Variants in SELENOI observed in about 807,000 individuals in gnomAD.
SELENOI encodes the protein ethanolaminephosphotransferase 1.
A neutral mutation model predicts 50.7 loss-of-function variants in SELENOI; 24 were observed. The observed-to-expected ratio is 0.47, with a 90% CI of 0.34 to 0.67. The LOEUF (loss-of-function observed/expected upper bound fraction) is 0.67, where lower values mean the gene tolerates loss of function less well. Ranked by LOEUF, SELENOI falls within the 30% of genes least tolerant of loss-of-function variation. The pLI is 0.01. For synonymous variants in SELENOI, 155 were observed against 170.2 expected, an observed-to-expected ratio of 0.91 and a Z score of 0.70; for missense variants, 352 against 461.4, an observed-to-expected ratio of 0.76 and a Z score of 2.17.
intron 6 of SELENOI, among the ~76,000 whole-genome samples, chr2:26,376,035 C>T (rs1677559887): frequency 6.7e-6 from 1 of 148,932 alleles, no homozygotes; most frequent in Non-Finnish European, 1.5e-5. Context: ...GCCCAGTGAG[C>T]TATGATCGCA....
rs993695630 is a variant in SELENOI at position 26,393,887 on chromosome 2, G to A, written c.*4784G>A. 1.3e-5 allele frequency: 2 copies of A among 152,206 alleles called. No homozygotes were observed. The highest frequency in any genetic ancestry group is 1.9e-4 in the East Asian group (1 of 5,202). The allele number at this position is 152,206 out of a possible 1,614,324, so 9.4% of individuals were successfully genotyped here. On this transcript the variant is annotated 3_prime_UTR_variant, in exon 10 of 10. Coordinates refer to ENST00000260585, the MANE Select transcript of SELENOI (RefSeq NM_033505.4). The stretch of plus-strand genomic sequence containing the variant: ...GTCTGTTTGGCTAATGTCTTCTCTT[G>A]AGGAGTTTCTATGGGTAGCAATTAA...
chr2:26,376,598 T>A (rs1677572630), intron 6 of SELENOI, among the ~76,000 whole-genome samples: 1 of 152,174 alleles, frequency 6.6e-6, no homozygotes, highest in Non-Finnish European at 1.5e-5. Flanking sequence ...TTGTTTGAAA[T>A]GCACCAGTAC....
intron 1 of SELENOI, 134 bp downstream of exon 1, chr2:26,346,423 C>T (rs1314764945): frequency 4.5e-6 from 5 of 1,113,352 alleles, no homozygotes. Context: ...CTCCGGAGGT[C>T]CTGCGGGTCC....
intron 1 of SELENOI, among the ~76,000 whole-genome samples, chr2:26,349,672 T>TG (rs1676911100): frequency 1.3e-5 from 2 of 148,586 alleles, no homozygotes; most frequent in South Asian, 4.3e-4. Flanking sequence ...GCAAGTTGGT[T>TG]TTTTTTTTTT....
Position 26,360,750 on chromosome 2 carries a change from A to G in SELENOI, c.58-3552A>G, listed in dbSNP as rs76056988. Among the ~76,000 whole-genome samples, 6 of 152,298 alleles carry G rather than the reference A, an allele frequency of 3.9e-5. No homozygotes were observed. The East Asian group carries it at 1.2e-3, about 29-fold the overall frequency. ...TTCTGGGTGCAGACTTTTGTGAAGTAAAGGAGTGTAGGGCCCTCCTATCTT... is the reference window on the plus strand; with the variant it reads ...TTCTGGGTGCAGACTTTTGTGAAGTGAAGGAGTGTAGGGCCCTCCTATCTT... On this transcript the variant is annotated intron_variant, in intron 1 of 9. Coordinates refer to ENST00000260585, the MANE Select transcript of SELENOI (RefSeq NM_033505.4).
At chr2:26,370,720 G>C (rs1677404864) in intron 4 of SELENOI, among the ~76,000 whole-genome samples, 1 of 142,146 alleles carries the variant, frequency 7.0e-6, no homozygotes, top group Non-Finnish European at 1.6e-5. Context: ...TCCCGGACGG[G>C]GCGGCTGGCC....
chr2:26,355,150 A>G (rs1677039400), intron 1 of SELENOI, among the ~76,000 whole-genome samples: 1 of 152,252 alleles, frequency 6.6e-6, no homozygotes, highest in Non-Finnish European at 1.5e-5. Flanking sequence ...GTAAATAAAT[A>G]AAACTTGACA....
At chr2:26,353,385 C>T (rs961288097) in intron 1 of SELENOI, among the ~76,000 whole-genome samples, 1 of 152,042 alleles carries the variant, frequency 6.6e-6, no homozygotes, top group South Asian at 2.1e-4. Context: ...TTCAAAGATA[C>T]GAACACTTTT....
chr2:26,375,619 T>G (rs1324371432), intron 6 of SELENOI, among the ~76,000 whole-genome samples: 1 of 152,208 alleles, frequency 6.6e-6, no homozygotes, highest in East Asian at 1.9e-4. Context: ...TTTATGGTGG[T>G]AATCTTTCTG....
chr2:26,367,761 C>T (rs13420634), intron 4 of SELENOI, among the ~76,000 whole-genome samples: 15,000 of 152,080 alleles, frequency 0.099, 1,792 homozygotes, highest in East Asian at 0.61. Context: ...TTTTTTGGTA[C>T]AGGGAGCGGT....
chr2:26,363,028 T>C (rs1233842872), intron 1 of SELENOI, among the ~76,000 whole-genome samples: 1 of 152,214 alleles, frequency 6.6e-6, no homozygotes. Context: ...TAAAATTTCC[T>C]TTACATTCTT....
chr2:26,373,125 G>A (rs1677493709), intron 4 of SELENOI, among the ~76,000 whole-genome samples: 1 of 152,232 alleles, frequency 6.6e-6, no homozygotes, highest in Admixed American at 6.5e-5. Flanking sequence ...GTGGGCTCAA[G>A]TGATCCTCCT....
At chr2:26,370,469 C>T (rs1417710673) in intron 4 of SELENOI, among the ~76,000 whole-genome samples, 125 of 151,312 alleles carry the variant, frequency 8.3e-4, no homozygotes, top group African/African-American at 2.9e-3. Context: ...CCGGACGGGG[C>T]GGCTGGCTGG....
Position 26,386,546 on chromosome 2 carries a change from C to T in SELENOI, c.1095+10C>T, listed in dbSNP as rs1312886027. On this transcript the variant is annotated intron_variant, in intron 9 of 9. Transcript: ENST00000260585. ...TTATGGAGTACGAGTGGTGAGTAATCTACAGCAAAATGGGTTCAATTTGGG... is the reference window on the plus strand; with the variant it reads ...TTATGGAGTACGAGTGGTGAGTAATTTACAGCAAAATGGGTTCAATTTGGG... The T allele has an allele frequency of 2.6e-6, 4 of 1,557,654 alleles. No individual in the cohort carries two copies. In the South Asian group the frequency reaches 3.6e-5, roughly 14 times the overall value.
intron 1 of SELENOI, among the ~76,000 whole-genome samples, chr2:26,364,078 C>CTTTT (rs59396679): frequency 1.7e-5 from 2 of 114,932 alleles, no homozygotes; most frequent in African/African-American, 3.5e-5. Flanking sequence ...CTTTCTCCCC[C>CTTTT]TTTTTTTTTT....
In SELENOI at chr2:26,395,711, T is replaced by G. The variant is rs1361577514; in HGVS notation, c.*6608T>G. The G allele has an allele frequency of 2.0e-5, 3 of 152,784 alleles. No individual in the cohort carries two copies. In the East Asian group the frequency reaches 5.8e-4, roughly 29 times the overall value. The allele number at this position is 152,784 out of a possible 1,614,324, so 9.5% of individuals were successfully genotyped here. A position where few individuals can be genotyped will look rare whatever the true frequency, so the allele number is the denominator to read the frequency against. On this transcript the variant is annotated 3_prime_UTR_variant, in exon 10 of 10. Transcript: ENST00000260585. ...CTAGCCCGAATAATCAAGACCAGAC[T>G]GTTTCTTGTCACTGGATTCTGGAAG...
At chr2:26,384,362 C>T (rs985285651) in intron 7 of SELENOI, among the ~76,000 whole-genome samples, 1 of 152,192 alleles carries the variant, frequency 6.6e-6, no homozygotes, top group Non-Finnish European at 1.5e-5. Context: ...CAACGAGGCT[C>T]TCATTGGGCA....
At chr2:26,371,546 G>A (rs1299221570) in intron 4 of SELENOI, among the ~76,000 whole-genome samples, 10 of 149,922 alleles carry the variant, frequency 6.7e-5, no homozygotes, top group Non-Finnish European at 1.3e-4. Flanking sequence ...CCGAGATCAC[G>A]CCACTGCACT....
At chr2:26,363,661 T>C (rs1278590829) in intron 1 of SELENOI, among the ~76,000 whole-genome samples, 1 of 152,230 alleles carries the variant, frequency 6.6e-6, no homozygotes, top group East Asian at 1.9e-4. Context: ...TATGATAATA[T>C]CTGACTGCTT....
Sources: gnomAD v4.1 joint callset for allele counts (sites outside exome capture counted in the v4.1 genomes callset) on GRCh38, gnomAD v4.1.1 for gene constraint, MANE v1.5 for transcripts, NCBI Gene and HGNC (gene_info 2026-07-23, HGNC 2026-07-21) for gene names.